The following EYA2 variants were observed in gnomAD, a reference collection of about 807,000 sequenced individuals.
EYA2 encodes the protein EYA transcriptional coactivator and phosphatase 2.
A neutral mutation model predicts 69.2 loss-of-function variants in EYA2; 31 were observed. The observed-to-expected ratio is 0.45, with a 90% CI of 0.34 to 0.60. The LOEUF (loss-of-function observed/expected upper bound fraction) is 0.60, where lower values mean the gene tolerates loss of function less well. EYA2 is among the 20% of genes least tolerant of loss of function. The pLI is 0.02. For missense variants in EYA2, 622 were observed against 701.2 expected (o/e 0.89, Z 1.28); for synonymous variants, 257 against 279.4 (o/e 0.92, Z 0.80).
chr20:46,975,416 T>A (rs1980399978), intron 1 of EYA2, among the ~76,000 whole-genome samples: 6 of 152,164 alleles, frequency 3.9e-5, no homozygotes, highest in Admixed American at 3.9e-4. Context: ...ATGCCTATAA[T>A]CCCAGCACTT....
At chr20:46,921,243 C>G (rs778485929) in intron 1 of EYA2, among the ~76,000 whole-genome samples, 43 of 152,236 alleles carry the variant, frequency 2.8e-4, no homozygotes, top group Non-Finnish European at 8.8e-5. Context: ...TAGGTGAGAC[C>G]AGGCAAGCAC....
intron 10 of EYA2, among the ~76,000 whole-genome samples, chr20:47,156,265 C>T (rs1197141239): frequency 6.9e-6 from 1 of 145,014 alleles, no homozygotes; most frequent in African/African-American, 2.5e-5. Flanking sequence ...GCCCGGGAGA[C>T]AGAGGTTGCA....
chr20:47,130,414 G>A (rs893412280), intron 9 of EYA2, among the ~76,000 whole-genome samples: 7 of 150,588 alleles, frequency 4.6e-5, no homozygotes, highest in African/African-American at 7.4e-5. Context: ...ACAGGCGCCC[G>A]CCATCACGCC....
intron 1 of EYA2, among the ~76,000 whole-genome samples, chr20:46,941,169 A>G (rs1214261218): frequency 6.6e-6 from 1 of 152,098 alleles, no homozygotes; most frequent in African/African-American, 2.4e-5. Flanking sequence ...AATCCCACAG[A>G]CCCACATTCA....
At chr20:46,978,866 CT>C (rs1980632688) in intron 1 of EYA2, among the ~76,000 whole-genome samples, 1 of 152,182 alleles carries the variant, frequency 6.6e-6, no homozygotes, top group Non-Finnish European at 1.5e-5. Context: ...CAATCCTGAG[CT>C]TTTGGTTTGA....
chr20:46,942,746 G>T (rs1195749318), intron 1 of EYA2, among the ~76,000 whole-genome samples: 1 of 152,100 alleles, frequency 6.6e-6, no homozygotes, highest in African/African-American at 2.4e-5. Flanking sequence ...CATTGGGAGG[G>T]TTCTCTGTTT....
chr20:47,185,224 A>G (rs150945107), intron 15 of EYA2, among the ~76,000 whole-genome samples: 1 of 143,470 alleles, frequency 7.0e-6, no homozygotes, highest in East Asian at 2.1e-4. Flanking sequence ...CGGCTAGAAC[A>G]TTCTCTTTCT....
chr20:47,175,842 CAG>C (rs2034416132), intron 12 of EYA2, among the ~76,000 whole-genome samples: 1 of 152,096 alleles, frequency 6.6e-6, no homozygotes, highest in African/African-American at 2.4e-5. Flanking sequence ...GGTGCAGAGA[CAG>C]AGGAAAACCA....
At chr20:46,949,590 G>A (rs914257780) in intron 1 of EYA2, among the ~76,000 whole-genome samples, 2 of 152,288 alleles carry the variant, frequency 1.3e-5, no homozygotes, top group South Asian at 4.1e-4. Context: ...TCTTCTCCAC[G>A]TTTTGGGTTT....
intron 1 of EYA2, among the ~76,000 whole-genome samples, chr20:46,974,126 A>T (rs1373192083): frequency 6.6e-6 from 1 of 152,166 alleles, no homozygotes. Context: ...TATAGGGGCT[A>T]TTGGGAAGAT....
chr20:46,943,897 T>C (rs951361257), intron 1 of EYA2, among the ~76,000 whole-genome samples: 5 of 152,200 alleles, frequency 3.3e-5, no homozygotes, highest in Non-Finnish European at 7.3e-5. Flanking sequence ...TTTCCTGCGC[T>C]CTCTTTTTCT....
At chr20:46,975,919 A>G (rs1428030454) in intron 1 of EYA2, among the ~76,000 whole-genome samples, 5 of 152,230 alleles carry the variant, frequency 3.3e-5, no homozygotes, top group Non-Finnish European at 7.3e-5. Flanking sequence ...ATGAGAATTC[A>G]TCAAGCATAG....
At chr20:47,162,517 C>CTT (rs10634442) in intron 10 of EYA2, among the ~76,000 whole-genome samples, 3,004 of 121,542 alleles carry the variant, frequency 0.025, 202 homozygotes, top group East Asian at 0.083. Context: ...ACACATTATC[C>CTT]TTTTTTTTTT....
Position 47,115,093 on chromosome 20 carries a change from G to A in EYA2, c.888+17925G>A, listed in dbSNP as rs974173498. Among the ~76,000 whole-genome samples, 16 of 152,318 alleles carry A rather than the reference G, an allele frequency of 1.1e-4. No homozygotes were observed. The East Asian group carries it at 1.5e-3, about 15-fold the overall frequency. On this transcript the variant is annotated intron_variant, in intron 9 of 15. Transcript: ENST00000327619. ...TCACAAAGATACTTTCGGGCATGCC[G>A]AGGCAAGCAGCTGAAGGGTCTTCAT...
chr20:46,944,368 G>A (rs1007638919), intron 1 of EYA2, among the ~76,000 whole-genome samples: 9 of 152,184 alleles, frequency 5.9e-5, no homozygotes, highest in African/African-American at 4.8e-5. Context: ...CGGTAGCTTC[G>A]GGGCAGGTGC....
At chr20:46,938,014 A>G (rs1338375844) in intron 1 of EYA2, among the ~76,000 whole-genome samples, 1 of 152,126 alleles carries the variant, frequency 6.6e-6, no homozygotes, top group Non-Finnish European at 1.5e-5. Context: ...TCTTATCCCC[A>G]TTGCACAGAC....
intron 2 of EYA2, among the ~76,000 whole-genome samples, chr20:46,999,563 A>G (rs527354611): frequency 4.6e-5 from 7 of 152,362 alleles, no homozygotes; most frequent in African/African-American, 1.2e-4. Context: ...AGGGTTACAC[A>G]ATTCCTTCTT....
rs552078415 is a variant in EYA2 at position 47,047,103 on chromosome 20, T to C, written c.416-25082T>C. 5.3e-5 allele frequency among the ~76,000 whole-genome samples: 8 copies of C among 152,300 alleles called. 1 individual carries two copies. In the East Asian group the frequency reaches 7.7e-4, roughly 15 times the overall value. The stretch of plus-strand genomic sequence containing the variant: ...TTTTTTTCTCTTTTCAAAGTTTAAA[T>C]GTTGTAGTGCATCCCCATGAATATC... On this transcript the variant is annotated intron_variant, in intron 5 of 15. Coordinates refer to ENST00000327619, the MANE Select transcript of EYA2 (RefSeq NM_005244.5).
chr20:47,053,687 GAGTA>G (rs1199000215), intron 5 of EYA2, among the ~76,000 whole-genome samples: 1 of 129,390 alleles, frequency 7.7e-6, no homozygotes, highest in Non-Finnish European at 1.6e-5. Context: ...AAAAAAAAAA[GAGTA>G]AGATTCTTCT....
Sources: gnomAD v4.1 joint callset for allele counts (sites outside exome capture counted in the v4.1 genomes callset) on GRCh38, gnomAD v4.1.1 for gene constraint, MANE v1.5 for transcripts, NCBI Gene and HGNC (gene_info 2026-07-23, HGNC 2026-07-21) for gene names.